AZGP1: variants seen among roughly 807,000 people sequenced by gnomAD.
The protein encoded by AZGP1 is alpha-2-glycoprotein 1, zinc-binding.
AZGP1 carries 28 observed loss-of-function variants against 31.5 expected under a neutral mutation model. The ratio of observed to expected loss-of-function variants is 0.89; its 90% CI spans 0.66 to 1.22. AZGP1 has a LOEUF of 1.22. Among genes scored for constraint, AZGP1 ranks in the 50% most tolerant of loss-of-function variants. AZGP1 has a pLI of 0.00. For synonymous variants in AZGP1, 135 were observed against 145.4 expected (o/e 0.93, Z 0.51); for missense variants, 361 against 371.8 (o/e 0.97, Z 0.24).
chr7:99,969,201 G>A (rs989951449), intron 2 of AZGP1, among the ~76,000 whole-genome samples: 1 of 151,974 alleles, frequency 6.6e-6, no homozygotes, highest in Non-Finnish European at 1.5e-5. Context: ...CTGAGGTCAG[G>A]AGTTTGAGAC....
intron 1 of AZGP1, among the ~76,000 whole-genome samples, chr7:99,973,906 A>G (rs1290357583): frequency 4.6e-4 from 59 of 129,238 alleles, no homozygotes; most frequent in Non-Finnish European, 8.3e-4. Flanking sequence ...ACTCTGTCAC[A>G]AAAAAAAAAA....
Position 99,971,975 on chromosome 7 carries a change from C to A in AZGP1, c.108G>T (p.Gly36=), listed in dbSNP as rs747821548. ...GRYSLTYIYT[G]LSKHVEDVPA... ...GGACGTCTTCAACATGCTTGGACAG[C>A]CCAGTGTAGATATAGGTCAGAGAGT... The change falls in exon 2 of 4, where the codon GGG becomes GGT. Residue 36 remains glycine (G), a synonymous_variant. Transcript: ENST00000292401. 6.2e-7 allele frequency: 1 copy of A among 1,613,596 alleles called. No individual in the cohort carries two copies. The highest frequency in any genetic ancestry group is 1.3e-5 in the African/African-American group (1 of 74,884).
At chr7:99,967,607 G>A in intron 3 of AZGP1, 2 of 465,132 alleles carry the variant, frequency 4.3e-6, no homozygotes, top group Non-Finnish European at 7.8e-6. Flanking sequence ...TTCAGCCCAT[G>A]CCTCTATCCA....
At chr7:99,968,671 G>A (rs922732000) in intron 2 of AZGP1, 2 of 544,694 alleles carry the variant, frequency 3.7e-6, no homozygotes, top group Admixed American at 7.2e-5. Flanking sequence ...TCCTCCTTAA[G>A]AGAGCTACAG....
chr7:99,971,538 G>T, intron 2 of AZGP1: 2 of 612,876 alleles, frequency 3.3e-6, no homozygotes, highest in South Asian at 4.2e-5. Flanking sequence ...CCTGAGGCCT[G>T]GGATGAGGAT....
rs774688518 is a variant in AZGP1 at position 99,971,770 on chromosome 7, C to T, written c.313G>A (p.Val105Met). 5.6e-6 allele frequency: 9 copies of T among 1,613,888 alleles called. No homozygotes were observed. The highest frequency in any genetic ancestry group is 1.3e-5 in the African/African-American group (1 of 74,868). ...DIFMETLKDI[V>M]EYYNDSNGSH... ...CCGTTACTGTCGTTGTAATACTCCA[C>T]GATGTCTTTCAGGGTCTCCATAAAG... The change falls in exon 2 of 4, where the codon GTG becomes ATG. Residue 105 changes from valine to methionine, a missense_variant. By Grantham distance (21) the Val-to-Met change is conservative (BLOSUM62 1). Transcript: ENST00000292401.
At chr7:99,974,378 G>T (rs1789625644) in intron 1 of AZGP1, among the ~76,000 whole-genome samples, 1 of 151,846 alleles carries the variant, frequency 6.6e-6, no homozygotes. Flanking sequence ...ACGAGGTCAG[G>T]ATATCAAGAC....
chr7:99,968,769 C>A, intron 2 of AZGP1: 1 of 294,502 alleles, frequency 3.4e-6, no homozygotes, highest in Non-Finnish European at 6.3e-6. Flanking sequence ...TCCAGACCAG[C>A]CAGGGTGATA....
At chr7:99,971,548 T>C (rs2115684501) in intron 2 of AZGP1, 198 bp downstream of exon 2, 1 of 621,644 alleles carries the variant, frequency 1.6e-6, no homozygotes. Flanking sequence ...GGGATGAGGA[T>C]GGGGCAATTG....
chr7:99,971,875 G>A lies in AZGP1; in HGVS notation c.208C>T (p.Pro70Ser). 1.2e-6 allele frequency: 2 copies of A among 1,614,174 alleles called. No individual in the cohort carries two copies. Residue 70 changes from proline to serine, a missense_variant, in exon 2 of 4, where the codon CCC becomes TCC. Physicochemically the swap from Pro to Ser is moderately conservative, Grantham distance 74. Coordinates refer to ENST00000292401, the MANE Select transcript of AZGP1 (RefSeq NM_001185.4). Reference sequence around the variant, plus strand: ...TCCACCTGTCTCCAGAGTCCCATGGGCTGAGACTTCCTGTCTTTACTGTTG... The same window carrying A: ...TCCACCTGTCTCCAGAGTCCCATGGACTGAGACTTCCTGTCTTTACTGTTG... ...RYNSKDRKSQ[P>S]MGLWRQVEGM...
intron 1 of AZGP1, among the ~76,000 whole-genome samples, chr7:99,973,946 T>G (rs893998478): frequency 6.7e-6 from 1 of 148,916 alleles, no homozygotes; most frequent in East Asian, 2.0e-4. Flanking sequence ...GACCTACTAT[T>G]TGATAGCACA....
At position 99,971,037 on chromosome 7, in the gene AZGP1, G is replaced by A. The variant is rs551514251; in HGVS notation, c.337+709C>T. ...TCGTATGGTAAGGAGGAACTTTAGG[G>A]CTCCAAGGAACTCTAACAGCCCACA... On this transcript the variant is annotated intron_variant, in intron 2 of 3. Transcript: ENST00000292401. Among the ~76,000 whole-genome samples the A allele has an allele frequency of 1.6e-3, 237 of 152,288 alleles. 1 individual carries two copies. The highest frequency in any genetic ancestry group is 5.6e-3 in the African/African-American group (232 of 41,552).
intron 2 of AZGP1, 177 bp from the exon 3 acceptor site, chr7:99,968,607 A>G (rs1441691496): frequency 7.8e-6 from 6 of 770,044 alleles, no homozygotes; most frequent in Non-Finnish European, 1.2e-5. Context: ...ACAGACAGAG[A>G]GGGGCTAACT....
At chr7:99,967,527 C>T in intron 3 of AZGP1, 1 of 569,794 alleles carries the variant, frequency 1.8e-6, no homozygotes, top group South Asian at 2.1e-5. Flanking sequence ...GCTCCGTGTG[C>T]TTCTCCATGT....
At chr7:99,975,780 T>C (rs562997655) in intron 1 of AZGP1, among the ~76,000 whole-genome samples, 165 bp downstream of exon 1, 3 of 152,260 alleles carry the variant, frequency 2.0e-5, no homozygotes, top group South Asian at 4.1e-4. Context: ...GCTCCCTGAA[T>C]GCTCCTGGAA....
At chr7:99,974,819 G>A (rs1365848283) in intron 1 of AZGP1, among the ~76,000 whole-genome samples, 1 of 151,646 alleles carries the variant, frequency 6.6e-6, no homozygotes, top group Admixed American at 6.6e-5. Flanking sequence ...AAAAAAATCA[G>A]TAGACCTTGA....
At chr7:99,970,185 G>A (rs1424942172) in intron 2 of AZGP1, among the ~76,000 whole-genome samples, 1 of 152,234 alleles carries the variant, frequency 6.6e-6, no homozygotes, top group East Asian at 1.9e-4. Context: ...GCTCATAGAT[G>A]GGCCTGGCAC....
chr7:99,973,461 C>A (rs926744117), intron 1 of AZGP1, among the ~76,000 whole-genome samples: 3 of 151,892 alleles, frequency 2.0e-5, no homozygotes, highest in Admixed American at 2.0e-4. Flanking sequence ...ATCAGTAGAC[C>A]CTACAATTGA....
At chr7:99,972,771 G>A (rs975933129) in intron 1 of AZGP1, among the ~76,000 whole-genome samples, 1 of 152,142 alleles carries the variant, frequency 6.6e-6, no homozygotes, top group African/African-American at 2.4e-5. Context: ...CCAAGATCAT[G>A]CCACTGCACT....
Sources: gnomAD v4.1 joint callset for allele counts (sites outside exome capture counted in the v4.1 genomes callset) on GRCh38, gnomAD v4.1.1 for gene constraint, MANE v1.5 for transcripts, NCBI Gene and HGNC (gene_info 2026-07-23, HGNC 2026-07-21) for gene names.